The following AMBRA1 variants were observed in gnomAD, a reference collection of about 807,000 sequenced individuals.
AMBRA1 encodes activating molecule in BECN1-regulated autophagy protein 1.
AMBRA1 carries 47 observed loss-of-function variants against 125.4 expected under a neutral mutation model. The observed-to-expected ratio is 0.37, with a 90% confidence interval of 0.30 to 0.48. The LOEUF is 0.48. AMBRA1 is among the 20% of genes least tolerant of loss of function. AMBRA1 has a pLI of 0.99. For missense variants in AMBRA1, 1,331 were observed against 1,693.4 expected, an observed-to-expected ratio of 0.79 and a Z score of 3.76; for synonymous variants, 626 against 655.5, an observed-to-expected ratio of 0.95 and a Z score of 0.69.
At chr11:46,489,208 C>CCTCCCCCGCT (rs1950379064) in intron 11 of AMBRA1, among the ~76,000 whole-genome samples, 1 of 152,068 alleles carries the variant, frequency 6.6e-6, no homozygotes, top group Non-Finnish European at 1.5e-5. Flanking sequence ...TAATGCTATC[C>CCTCCCCCGCT]CTCCCCCGCT....
intron 17 of AMBRA1, 47 bp from the exon 18 acceptor site, chr11:46,397,990 G>C (rs776645233): frequency 1.3e-6 from 2 of 1,533,366 alleles, no homozygotes; most frequent in Admixed American, 3.7e-5. Flanking sequence ...TGCTGGCCTG[G>C]GCCTCTGAGG....
chr11:46,498,117 T>C (rs1002510750), intron 9 of AMBRA1, among the ~76,000 whole-genome samples: 3 of 152,150 alleles, frequency 2.0e-5, no homozygotes, highest in Admixed American at 6.5e-5. Context: ...AGGCTGAATA[T>C]GAGTGAATTG....
chr11:46,445,127 T>A (rs187890630), intron 11 of AMBRA1, among the ~76,000 whole-genome samples: 189 of 149,714 alleles, frequency 1.3e-3, no homozygotes, highest in Non-Finnish European at 1.9e-3. Context: ...CTCCAAAGCA[T>A]CAGAGTATAT....
intron 14 of AMBRA1, among the ~76,000 whole-genome samples, chr11:46,422,276 T>G (rs568615478): frequency 6.6e-5 from 10 of 152,324 alleles, no homozygotes; most frequent in Non-Finnish European, 7.3e-5. Context: ...CAAAGTAGAT[T>G]GTTCTCATTT....
chr11:46,465,439 G>A (rs1315338739), intron 11 of AMBRA1, among the ~76,000 whole-genome samples: 1 of 152,314 alleles, frequency 6.6e-6, no homozygotes, highest in South Asian at 2.1e-4. Context: ...CTACAGTTAT[G>A]TGTAGGTGTT....
At chr11:46,471,173 G>C (rs1949570703) in intron 11 of AMBRA1, among the ~76,000 whole-genome samples, 1 of 152,176 alleles carries the variant, frequency 6.6e-6, no homozygotes, top group Non-Finnish European at 1.5e-5. Context: ...CAGATGCAGT[G>C]GCTCATGCCT....
intron 11 of AMBRA1, among the ~76,000 whole-genome samples, chr11:46,449,489 G>A (rs61882708): frequency 0.021 from 3,154 of 152,228 alleles, 50 homozygotes; most frequent in Non-Finnish European, 0.032. Context: ...AGGTCTATAG[G>A]AGGAAAGCTA....
chr11:46,578,593 G>C (rs1222548952), intron 1 of AMBRA1, among the ~76,000 whole-genome samples: 2 of 151,486 alleles, frequency 1.3e-5, no homozygotes, highest in Admixed American at 1.3e-4. Context: ...ACTATTAATA[G>C]AAAACAATGG....
At chr11:46,409,894 T>G (rs1590728096) in intron 16 of AMBRA1, among the ~76,000 whole-genome samples, 1 of 152,244 alleles carries the variant, frequency 6.6e-6, no homozygotes, top group East Asian at 1.9e-4. Context: ...GATTTGTCCC[T>G]GGGCTACAGC....
At chr11:46,435,069 G>T in intron 12 of AMBRA1, 32 bp from the exon 13 acceptor site, 1 of 1,548,856 alleles carries the variant, frequency 6.5e-7, no homozygotes, top group Non-Finnish European at 8.7e-7. Flanking sequence ...AAGAGGATAA[G>T]AAACTTTGGA....
chr11:46,485,203 G>T (rs1339765299), intron 11 of AMBRA1, among the ~76,000 whole-genome samples: 1 of 152,236 alleles, frequency 6.6e-6, no homozygotes, highest in African/African-American at 2.4e-5. Context: ...CTCCCAACAT[G>T]CTGGGATTAC....
At chr11:46,536,488 C>T (rs1442381677) in intron 7 of AMBRA1, among the ~76,000 whole-genome samples, 6 of 152,138 alleles carry the variant, frequency 3.9e-5, no homozygotes, top group Admixed American at 3.3e-4. Context: ...GATTAGATAT[C>T]GAAACTCTTT....
intron 7 of AMBRA1, among the ~76,000 whole-genome samples, chr11:46,513,261 CTTTTTTCT>C (rs924153568): frequency 7.0e-6 from 1 of 142,976 alleles, no homozygotes; most frequent in African/African-American, 2.7e-5. Flanking sequence ...TGCCTACGCT[CTTTTTTCT>C]TTTTTTTTTT....
chr11:46,542,300 T>A lies in AMBRA1; in HGVS notation c.1717A>T (p.Asn573Tyr), dbSNP rs774374127. The A allele has an allele frequency of 6.2e-7, 1 of 1,613,966 alleles. No individual in the cohort carries two copies. Among genetic ancestry groups the A allele is most frequent in the Non-Finnish European group, 8.5e-7 (1 of 1,180,040 alleles). ...GTATCGTTGTTGAAGGTCAGGAGAT[T>A]GTGGCAAGCACGACAGCGATTCAGG... ...GHLNRCRACH[N>Y]LLTFNNDTLR... Residue 573 changes from asparagine to tyrosine, a missense_variant, in exon 7 of 18, where the codon AAT (asparagine) becomes TAT (tyrosine). Coordinates refer to ENST00000683756, the MANE Select transcript of AMBRA1 (RefSeq NM_001387011.1). The surrounding 1 kb of genome is among the most constrained non-coding windows in gnomAD (Gnocchi z 5.9).
chr11:46,431,268 C>A (rs980394661), intron 14 of AMBRA1, among the ~76,000 whole-genome samples: 9 of 152,126 alleles, frequency 5.9e-5, no homozygotes, highest in Admixed American at 1.3e-4. Flanking sequence ...GCAGATGGTA[C>A]CTACTGAGAA....
At chr11:46,555,198 C>T (rs1049992996) in intron 1 of AMBRA1, among the ~76,000 whole-genome samples, 1 of 152,186 alleles carries the variant, frequency 6.6e-6, no homozygotes, top group African/African-American at 2.4e-5. Context: ...ATCACCTTTC[C>T]AGATTTTCTC....
rs1195183920 is a variant in AMBRA1, at chr11:46,467,651, C to T, written c.2522-24053G>A. Among the ~76,000 whole-genome samples, 6 of 151,250 alleles carry T rather than the reference C, an allele frequency of 4.0e-5. No homozygotes were observed. In the South Asian group the frequency reaches 1.0e-3, roughly 26 times the overall value. On this transcript the variant is annotated intron_variant, in intron 11 of 17. Coordinates refer to ENST00000683756, the MANE Select transcript of AMBRA1 (RefSeq NM_001387011.1). ...GCAACCTCTGCCTCCTGGGTTCAAG[C>T]GATTCTCCTGCCTCAGCATCCCGAG...
Position 46,481,513 on chromosome 11 carries a change from G to A in AMBRA1, c.2521+12095C>T, listed in dbSNP as rs548135263. Among the ~76,000 whole-genome samples, 7 of 152,156 alleles carry A rather than the reference G, an allele frequency of 4.6e-5. No individual in the cohort carries two copies. In the East Asian group the frequency reaches 5.8e-4, roughly 13 times the overall value. On this transcript the variant is annotated intron_variant, in intron 11 of 17. Coordinates refer to ENST00000683756, the MANE Select transcript of AMBRA1 (RefSeq NM_001387011.1). ...TGAGTAGCTGGGATTACAGGCATGCGTCACCATGCCTGGCTAATTTTATAT... is the reference window on the plus strand; with the variant it reads ...TGAGTAGCTGGGATTACAGGCATGCATCACCATGCCTGGCTAATTTTATAT...
rs766818043 is a variant in AMBRA1, at chr11:46,431,663, C to G, written c.2976+1811G>C. Among the ~76,000 whole-genome samples the G allele has an allele frequency of 2.4e-4, 37 of 152,314 alleles. No individual in the cohort carries two copies. In the Middle Eastern group the frequency reaches 0.01, roughly 42 times the overall value. On this transcript the variant is annotated intron_variant, in intron 14 of 17. Coordinates refer to ENST00000683756, the MANE Select transcript of AMBRA1 (RefSeq NM_001387011.1). ...TCTCTTAATGATTTAAACGATTATT[C>G]CACAATTAGGCCGGAAGGGTTAGAA...
Sources: allele counts gnomAD v4.1 joint callset (sites outside exome capture counted in the v4.1 genomes callset), GRCh38; gene constraint gnomAD v4.1.1; non-coding constraint Gnocchi (gnomAD v3.1); transcripts MANE v1.5; gene names NCBI Gene and HGNC (gene_info 2026-07-23, HGNC 2026-07-21).